LAMA2: variants seen among roughly 807,000 people sequenced by gnomAD.
The protein encoded by LAMA2 is laminin subunit alpha 2.
Under a neutral mutation model 364.8 loss-of-function variants are expected in LAMA2, and 269 were observed. That is an observed-to-expected ratio of 0.74 (90% CI 0.67 to 0.82). The LOEUF is 0.82. LAMA2 is among the 40% of genes least tolerant of loss of function. LAMA2 has a pLI of 0.00. For synonymous variants in LAMA2, 1,379 were observed against 1,370.6 expected, an observed-to-expected ratio of 1.01 and a Z score of -0.14; for missense variants, 3,807 against 3,873.2, an observed-to-expected ratio of 0.98 and a Z score of 0.45.
chr6:129,499,972 T>TCTC (rs1488768369), intron 58 of LAMA2, among the ~76,000 whole-genome samples: 1 of 152,168 alleles, frequency 6.6e-6, no homozygotes, highest in Admixed American at 6.6e-5. Flanking sequence ...CCCAGGCTGG[T>TCTC]CTCAAACTAC....
At chr6:128,945,147 A>G (rs1780413518) in intron 1 of LAMA2, among the ~76,000 whole-genome samples, 1 of 152,194 alleles carries the variant, frequency 6.6e-6, no homozygotes, top group Non-Finnish European at 1.5e-5. Context: ...ATCTGAGAAA[A>G]TATCAGTAAG....
At chr6:129,376,458 G>C (rs1352747047) in intron 34 of LAMA2, among the ~76,000 whole-genome samples, 1 of 152,170 alleles carries the variant, frequency 6.6e-6, no homozygotes, top group Non-Finnish European at 1.5e-5. Context: ...TAGCCAGAAT[G>C]AATGTTTGCT....
At chr6:128,974,183 C>T (rs751120606) in intron 1 of LAMA2, among the ~76,000 whole-genome samples, 2 of 152,072 alleles carry the variant, frequency 1.3e-5, no homozygotes, top group Non-Finnish European at 2.9e-5. Flanking sequence ...ACCAGGTGAC[C>T]CTCTAGTTGC....
At chr6:129,327,074 T>C (rs1033025867) in intron 28 of LAMA2, among the ~76,000 whole-genome samples, 1 of 152,052 alleles carries the variant, frequency 6.6e-6, no homozygotes, top group Non-Finnish European at 1.5e-5. Flanking sequence ...TCAAAATAGT[T>C]TGAATACTAT....
chr6:129,192,909 G>C, intron 12 of LAMA2, 56 bp downstream of exon 12: 1 of 1,496,744 alleles, frequency 6.7e-7, no homozygotes, highest in Non-Finnish European at 9.2e-7. Context: ...CGTGAGAATG[G>C]GTTTTAGTTG....
In LAMA2 at chr6:129,089,370, A is replaced by G. The variant is rs150086310; in HGVS notation, c.397-8803A>G. Among the ~76,000 whole-genome samples the G allele has an allele frequency of 4.0e-3, 613 of 152,346 alleles. 6 individuals carry two copies. Among genetic ancestry groups the G allele is most frequent in the Non-Finnish European group, 5.5e-3 (372 of 68,036 alleles). ...CATAAATTGGAGAATGTGTAGGTTC[A>G]TCTTACCTTGGTAAATACAGAAGCA... On this transcript the variant is annotated intron_variant, in intron 3 of 64. Coordinates refer to ENST00000421865, the MANE Select transcript of LAMA2 (RefSeq NM_000426.4).
rs957518170 is a variant in LAMA2, at chr6:129,305,820, CT to C, written c.3174+4958del. Among the ~76,000 whole-genome samples the C allele has an allele frequency of 6.6e-3, 968 of 145,788 alleles. 10 individuals carry two copies. Among genetic ancestry groups the C allele is most frequent in the African/African-American group, 0.023 (914 of 39,984 alleles). On this transcript the variant is annotated intron_variant, in intron 22 of 64. Transcript: ENST00000421865. ...TTTTGCTTGCCTTATCTGCTCTTGC[CT>C]TTTTTTTTTCCTTATTGTCCTGCCT...
At chr6:128,958,607 A>G (rs1781291859) in intron 1 of LAMA2, among the ~76,000 whole-genome samples, 1 of 152,182 alleles carries the variant, frequency 6.6e-6, no homozygotes, top group Non-Finnish European at 1.5e-5. Context: ...TATCTTTTGG[A>G]AATACATATA....
At chr6:129,201,854 T>C (rs1291917650) in intron 12 of LAMA2, among the ~76,000 whole-genome samples, 1 of 152,120 alleles carries the variant, frequency 6.6e-6, no homozygotes, top group East Asian at 1.9e-4. Flanking sequence ...AATCAAATTA[T>C]TAAAAAGACA....
At chr6:129,290,120 G>A (rs1789591336) in intron 19 of LAMA2, among the ~76,000 whole-genome samples, 2 of 151,946 alleles carry the variant, frequency 1.3e-5, no homozygotes, top group South Asian at 4.1e-4. Context: ...ATACTGCTTT[G>A]TTGTTTTTAC....
chr6:129,170,739 C>G, intron 9 of LAMA2, among the ~76,000 whole-genome samples: 1 of 152,030 alleles, frequency 6.6e-6, no homozygotes, highest in Non-Finnish European at 1.5e-5. Flanking sequence ...TGTTGACTTT[C>G]TGTCTCGTTG....
At chr6:129,040,688 A>G (rs1787025781) in intron 1 of LAMA2, among the ~76,000 whole-genome samples, 1 of 152,166 alleles carries the variant, frequency 6.6e-6, no homozygotes, top group Non-Finnish European at 1.5e-5. Context: ...AAAGAAACTG[A>G]TTTGCAAGTG....
chr6:129,354,704 A>G (rs928560642), intron 32 of LAMA2, among the ~76,000 whole-genome samples: 26 of 152,308 alleles, frequency 1.7e-4, no homozygotes, highest in African/African-American at 6.3e-4. Flanking sequence ...CAAAAATTAA[A>G]CAATAGTACA....
intron 43 of LAMA2, chr6:129,442,803 TATTA>T: frequency 2.0e-6 from 1 of 489,676 alleles, no homozygotes; most frequent in South Asian, 2.1e-5. Context: ...TATCTATAAA[TATTA>T]ATTAAATTGG....
intron 58 of LAMA2, among the ~76,000 whole-genome samples, chr6:129,498,699 A>AAT (rs1554313022): frequency 6.6e-6 from 1 of 152,218 alleles, no homozygotes; most frequent in African/African-American, 2.4e-5. Context: ...GAAAGAAGAA[A>AAT]ATTATGCAAT....
chr6:129,203,336 C>T (rs998143574), intron 12 of LAMA2, among the ~76,000 whole-genome samples: 1 of 152,238 alleles, frequency 6.6e-6, no homozygotes, highest in African/African-American at 2.4e-5. Context: ...GGTTCTGACA[C>T]ACTAGCCTAC....
chr6:129,019,962 G>T (rs1462931702), intron 1 of LAMA2, among the ~76,000 whole-genome samples: 1 of 152,050 alleles, frequency 6.6e-6, no homozygotes, highest in Non-Finnish European at 1.5e-5. Flanking sequence ...GCAGGCACCT[G>T]TAATCCCAGC....
At chr6:128,906,768 G>C (rs1206895001) in intron 1 of LAMA2, among the ~76,000 whole-genome samples, 1 of 150,570 alleles carries the variant, frequency 6.6e-6, no homozygotes. Context: ...TATGGTTTTA[G>C]GTCTAACGTT....
At chr6:129,490,154 T>C (rs1784789058) in intron 56 of LAMA2, among the ~76,000 whole-genome samples, 1 of 152,200 alleles carries the variant, frequency 6.6e-6, no homozygotes, top group Non-Finnish European at 1.5e-5. Context: ...GGAGCAGGAT[T>C]TAGCTGTAGT....
Sources: gnomAD v4.1 joint callset for allele counts (sites outside exome capture counted in the v4.1 genomes callset) on GRCh38, gnomAD v4.1.1 for gene constraint, MANE v1.5 for transcripts, NCBI Gene and HGNC (gene_info 2026-07-23, HGNC 2026-07-21) for gene names.